Variants in SPATS2L observed in about 807,000 individuals in gnomAD.
The protein encoded by SPATS2L is spermatogenesis associated serine rich 2 like, also known as SPATS2-like protein.
Under a neutral mutation model 59.6 loss-of-function variants are expected in SPATS2L, and 30 were observed. That is an observed-to-expected ratio of 0.50 (90% CI 0.38 to 0.68). The LOEUF (loss-of-function observed/expected upper bound fraction) is 0.68, where lower values mean the gene tolerates loss of function less well. SPATS2L is among the 30% of genes least tolerant of loss of function. The probability of loss-of-function intolerance (pLI) is 0.00; values close to 1 mark genes in which losing one functional copy is unlikely to be tolerated. For synonymous variants in SPATS2L, 252 were observed against 263.5 expected, an observed-to-expected ratio of 0.96 and a Z score of 0.42; for missense variants, 615 against 700.0, an observed-to-expected ratio of 0.88 and a Z score of 1.37.
chr2:200,440,305 G>A (rs2084607497), intron 7 of SPATS2L, among the ~76,000 whole-genome samples: 1 of 152,220 alleles, frequency 6.6e-6, no homozygotes, highest in South Asian at 2.1e-4. Context: ...ACGCAAAGTG[G>A]TGTTTATAGA....
intron 1 of SPATS2L, among the ~76,000 whole-genome samples, chr2:200,311,693 C>T (rs2079196760): frequency 6.6e-6 from 1 of 152,048 alleles, no homozygotes; most frequent in South Asian, 2.1e-4. Context: ...TATTCAGGAC[C>T]GAATTTAATT....
chr2:200,352,691 C>T (rs2080782844), intron 2 of SPATS2L, among the ~76,000 whole-genome samples: 1 of 152,096 alleles, frequency 6.6e-6, no homozygotes, highest in Non-Finnish European at 1.5e-5. Context: ...TAACTCAGTG[C>T]CAGCACACCT....
At chr2:200,402,123 T>C (rs962655942) in intron 3 of SPATS2L, among the ~76,000 whole-genome samples, 2 of 152,204 alleles carry the variant, frequency 1.3e-5, no homozygotes, top group Non-Finnish European at 2.9e-5. Flanking sequence ...CTGCCCCATC[T>C]TGGTCCATTT....
Position 200,477,831 on chromosome 2 carries a change from T to C in SPATS2L, c.1477T>C (p.Ser493Pro), listed in dbSNP as rs1403454630. ...AGGCGGTGCCAAAAATCAAGAGGCT[T>C]CCTTGGGGATGAAGACCCCCGAGGC... ...NKGGAKNQEA[S>P]LGMKTPEAPA... The change falls in exon 13 of 13, where the codon TCC becomes CCC. Residue 493 changes from serine (S) to proline (P), a missense_variant. Coordinates refer to ENST00000409140, the MANE Select transcript of SPATS2L (RefSeq NM_001100423.2). 1 of 1,579,630 alleles carries C rather than the reference T, an allele frequency of 6.3e-7. No individual in the cohort carries two copies. Among genetic ancestry groups the C allele is most frequent in the East Asian group, 2.3e-5 (1 of 42,832 alleles).
Position 200,419,460 on chromosome 2 carries a change from C to T in SPATS2L, c.409C>T (p.Leu137Phe), listed in dbSNP as rs2083215344. 3 of 1,613,784 alleles carry T rather than the reference C, an allele frequency of 1.9e-6. No homozygotes were observed. Among genetic ancestry groups the T allele is most frequent in the African/African-American group, 2.7e-5 (2 of 74,922 alleles). ...CCCTCGTGAGAAAAAGATCTCGATA[C>T]TTGAGGAACCTTCAAAGGCACTTCG... ...LIPREKKISILEEPSKALRGV... is the reference protein window; with the variant it reads ...LIPREKKISIFEEPSKALRGV... Residue 137 changes from leucine to phenylalanine, a missense_variant, in exon 6 of 13, where the codon CTT becomes TTT. Physicochemically the swap from Leu to Phe is conservative, Grantham distance 22 (BLOSUM62 0). Transcript: ENST00000409140.
chr2:200,478,061 A>G lies in SPATS2L; in HGVS notation c.*30A>G, dbSNP rs548782768. The G allele has an allele frequency of 1.1e-5, 16 of 1,517,546 alleles. No homozygotes were observed. In the East Asian group the frequency reaches 2.7e-4, roughly 26 times the overall value. 94.0% of individuals were successfully genotyped at this position (1,517,546 alleles called of 1,614,324 possible). On this transcript the variant is annotated 3_prime_UTR_variant, in exon 13 of 13. Coordinates refer to ENST00000409140, the MANE Select transcript of SPATS2L (RefSeq NM_001100423.2). The stretch of plus-strand genomic sequence containing the variant: ...GGAGGAAAAAGAGCAGTTTTCACTC[A>G]GTTTTGGTTCCCTGCCCGAGGTGCT...
chr2:200,452,892 TAA>T (rs3835860), intron 8 of SPATS2L, among the ~76,000 whole-genome samples: 74,210 of 151,126 alleles, frequency 0.49, 18,374 homozygotes, highest in African/African-American at 0.51. Context: ...GTGCTGCATT[TAA>T]AAAAAAAAAA....
Position 200,444,627 on chromosome 2 carries a change from G to A in SPATS2L, c.788+3843G>A, listed in dbSNP as rs2084911789. Among the ~76,000 whole-genome samples, 3 of 152,140 alleles carry A rather than the reference G, an allele frequency of 2.0e-5. No homozygotes were observed. In the South Asian group the frequency reaches 6.2e-4, roughly 31 times the overall value. On this transcript the variant is annotated intron_variant, in intron 8 of 12. Coordinates refer to ENST00000409140, the MANE Select transcript of SPATS2L (RefSeq NM_001100423.2). ...TATTCTGTACCAGTGGGCCAGAAAT[G>A]TTCCTATACTTTGTGTTTCTTTTTT... is the stretch of plus-strand genomic sequence containing the variant.
chr2:200,368,962 TTA>T (rs1179153303), intron 2 of SPATS2L, among the ~76,000 whole-genome samples: 3 of 152,078 alleles, frequency 2.0e-5, no homozygotes, highest in African/African-American at 4.8e-5. Context: ...ATAATCATGA[TTA>T]TGTTTCCAAA....
At chr2:200,460,541 C>G (rs1287299271) in intron 9 of SPATS2L, among the ~76,000 whole-genome samples, 1 of 151,898 alleles carries the variant, frequency 6.6e-6, no homozygotes, top group Non-Finnish European at 1.5e-5. Flanking sequence ...GTCAGGAGAT[C>G]GAGACCATCC....
chr2:200,478,114 A>G lies in SPATS2L; in HGVS notation c.*83A>G. On this transcript the variant is annotated 3_prime_UTR_variant, in exon 13 of 13. Transcript: ENST00000409140. The stretch of plus-strand genomic sequence containing the variant: ...CCCAATTCGCTGCCAAAAGAGTGTC[A>G]ATCAGAATATACAAATCCCGTATGG... 2 of 1,311,704 alleles carry G rather than the reference A, an allele frequency of 1.5e-6. No homozygotes were observed. The highest frequency in any genetic ancestry group is 2.5e-5 in the Admixed American group (1 of 40,228). 81.3% of individuals were successfully genotyped at this position (1,311,704 alleles called of 1,614,324 possible).
At chr2:200,340,420 A>G (rs1165735608) in intron 2 of SPATS2L, among the ~76,000 whole-genome samples, 3 of 152,020 alleles carry the variant, frequency 2.0e-5, no homozygotes, top group African/African-American at 4.8e-5. Flanking sequence ...CCTCAATGCT[A>G]CAAGAAACCA....
At chr2:200,356,627 A>T (rs3820883) in intron 2 of SPATS2L, among the ~76,000 whole-genome samples, 8,687 of 152,304 alleles carry the variant, frequency 0.057, 498 homozygotes, top group Admixed American at 0.19. Flanking sequence ...CAAATGAGCA[A>T]TATAACTTAT....
chr2:200,328,664 C>T (rs1361430097), intron 1 of SPATS2L, among the ~76,000 whole-genome samples: 4 of 152,192 alleles, frequency 2.6e-5, no homozygotes, highest in South Asian at 2.1e-4. Context: ...GACCAGTTAG[C>T]GGAGCATTTG....
intron 1 of SPATS2L, among the ~76,000 whole-genome samples, chr2:200,326,457 G>C (rs114310543): frequency 6.6e-6 from 1 of 152,090 alleles, no homozygotes; most frequent in Non-Finnish European, 1.5e-5. Flanking sequence ...AATTTCAATC[G>C]TTTTTCTCTC....
intron 12 of SPATS2L, among the ~76,000 whole-genome samples, chr2:200,477,206 C>G (rs2087595708): frequency 2.0e-5 from 3 of 152,274 alleles, no homozygotes; most frequent in African/African-American, 7.2e-5. Context: ...GCCAGGGACC[C>G]TGCCCTTTTT....
At chr2:200,375,253 T>C (rs1447864184) in intron 2 of SPATS2L, among the ~76,000 whole-genome samples, 2 of 152,224 alleles carry the variant, frequency 1.3e-5, no homozygotes, top group Admixed American at 1.3e-4. Flanking sequence ...TAAATGTGTT[T>C]AGCATTGGGT....
chr2:200,411,478 C>CT (rs1203326143), intron 3 of SPATS2L, among the ~76,000 whole-genome samples: 1 of 109,112 alleles, frequency 9.2e-6, no homozygotes, highest in Non-Finnish European at 2.3e-5. Context: ...ATGCAGTACT[C>CT]TAGTATTCTC....
At chr2:200,412,896 T>A (rs55940579) in intron 4 of SPATS2L, among the ~76,000 whole-genome samples, 2,585 of 149,986 alleles carry the variant, frequency 0.017, 28 homozygotes, top group Non-Finnish European at 0.026. Context: ...TATAAAAAAA[T>A]ATATATATAA....
Sources: gnomAD v4.1 joint callset for allele counts (sites outside exome capture counted in the v4.1 genomes callset) on GRCh38, gnomAD v4.1.1 for gene constraint, MANE v1.5 for transcripts, NCBI Gene and HGNC (gene_info 2026-07-23, HGNC 2026-07-21) for gene names.